ASCL2: variants seen among roughly 807,000 people sequenced by gnomAD.
The protein encoded by ASCL2 is achaete-scute family bHLH transcription factor 2.
Under a neutral mutation model 5.1 loss-of-function variants are expected in ASCL2, and 6 were observed. The observed-to-expected ratio is 1.17, with a 90% CI of 0.64 to 2.31. The LOEUF is 2.31. Among genes scored for constraint, ASCL2 ranks in the 30% most tolerant of loss-of-function variants. ASCL2 has a pLI of 0.00. For synonymous variants in ASCL2, 174 were observed against 157.3 expected (o/e 1.11, Z -0.80); for missense variants, 320 against 310.3 (o/e 1.03, Z -0.23).
intron 1 of ASCL2, 45 bp downstream of exon 1, chr11:2,269,688 A>ACC: frequency 2.5e-6 from 1 of 398,432 alleles, no homozygotes; most frequent in Non-Finnish European, 3.7e-6. Flanking sequence ...CCGTCCCTCC[A>ACC]CCCCGGCCCC....
rs1847235148 is a variant in ASCL2, at chr11:2,270,297, AG to A, written c.35del (p.Pro12LeufsTer41). The A allele has an allele frequency of 4.5e-6, 6 of 1,337,246 alleles. No homozygotes were observed. The highest frequency in any genetic ancestry group is 4.8e-6 in the Non-Finnish European group (5 of 1,051,672). 82.8% of individuals were successfully genotyped at this position (1,337,246 alleles called of 1,614,324 possible). ...DGGTLPRSAP[P>X]APPVPVGCAA... ...CGCAGCCGACAGGGACGGGGGGCGC[AG>A]GGGGCGCGGACCTGGGCAGTGTGCC... On this transcript the variant is annotated frameshift_variant, in exon 1 of 2. Transcript: ENST00000331289. LOFTEE classifies it high-confidence loss of function.
chr11:2,270,114 C>A lies in ASCL2; in HGVS notation c.219G>T (p.Leu73=). The change falls in exon 1 of 2, where the codon CTG becomes CTT. Residue 73 remains leucine (L), a synonymous_variant. Coordinates refer to ENST00000331289, the MANE Select transcript of ASCL2 (RefSeq NM_005170.3). ...VKLVNLGFQA[L]RQHVPHGGAS... The stretch of plus-strand genomic sequence containing the variant: ...CGCCGCCGTGCGGCACGTGCTGCCG[C>A]AGCGCCTGGAAGCCCAAGTTCACCA... 6.6e-7 allele frequency: 1 copy of A among 1,519,544 alleles called. No individual in the cohort carries two copies. The highest frequency in any genetic ancestry group is 1.2e-5 in the South Asian group (1 of 81,750). The allele number at this position is 1,519,544 out of a possible 1,614,324, so 94.1% of individuals were successfully genotyped here. A position where few individuals can be genotyped will look rare whatever the true frequency, so the allele number is the denominator to read the frequency against.
Position 2,269,876 on chromosome 11 carries a change from CG to C in ASCL2, c.456del (p.Gly154AlafsTer23). 7.5e-7 allele frequency: 1 copy of C among 1,342,176 alleles called. No homozygotes were observed. The highest frequency in any genetic ancestry group is 9.6e-7 in the Non-Finnish European group (1 of 1,040,468). 83.1% of individuals were successfully genotyped at this position (1,342,176 alleles called of 1,614,324 possible). A position where few individuals can be genotyped will look rare whatever the true frequency, so the allele number is the denominator to read the frequency against. On this transcript the variant is annotated frameshift_variant, in exon 1 of 2. Coordinates refer to ENST00000331289, the MANE Select transcript of ASCL2 (RefSeq NM_005170.3). LOFTEE classifies it low-confidence loss of function (END_TRUNC). The part of the protein sequence containing the change: ...SPSRASSSPG[R>X]GGSSEPGSPR... Reference sequence around the variant, plus strand: ...GGGGAGCCGGGCTCCGAGCTGCCCCCGCGGCCCGGGGACGAAGAAGCGCGGG... The same window carrying C: ...GGGGAGCCGGGCTCCGAGCTGCCCCCCGGCCCGGGGACGAAGAAGCGCGGG...
rs1847213151 is a variant in ASCL2, at chr11:2,268,789, C to G, written c.*356G>C. On this transcript the variant is annotated 3_prime_UTR_variant, in exon 2 of 2. Coordinates refer to ENST00000331289, the MANE Select transcript of ASCL2 (RefSeq NM_005170.3). This position sits in a 1 kb window ranked among gnomAD's most constrained non-coding sequence, Gnocchi z 4.5. ...TTTGCCAGCAGTGTCCCTCCAGCAG[C>G]TCAAGTTAATGTGTAGAAAATGGAT... The G allele has an allele frequency of 6.6e-6, 1 of 152,308 alleles. No homozygotes were observed. Among genetic ancestry groups the G allele is most frequent in the Non-Finnish European group, 1.5e-5 (1 of 68,100 alleles). The allele number at this position is 152,308 out of a possible 1,614,324, so 9.4% of individuals were successfully genotyped here. A position where few individuals can be genotyped will look rare whatever the true frequency, so the allele number is the denominator to read the frequency against.
At chr11:2,269,672 CCCACCCCGTCCCT>C (rs1241790082) in intron 1 of ASCL2, 48 bp downstream of exon 1, 40 of 894,860 alleles carry the variant, frequency 4.5e-5, no homozygotes, top group Non-Finnish European at 6.0e-5. Flanking sequence ...GCCGGGCCTG[CCCACCCCGTCCCT>C]CCACCCCGGC....
At position 2,270,094 on chromosome 11, in the gene ASCL2, C is replaced by T. The variant is rs1227468191; in HGVS notation, c.239G>A (p.Gly80Asp). 1.1e-5 allele frequency: 17 copies of T among 1,503,230 alleles called. No individual in the cohort carries two copies. The highest frequency in any genetic ancestry group is 1.5e-5 in the Non-Finnish European group (17 of 1,130,852). 93.1% of individuals were successfully genotyped at this position (1,503,230 alleles called of 1,614,324 possible). Reference sequence around the variant, plus strand: ...CTTGCTCAGCTTCTTGCTGGCGCCGCCGTGCGGCACGTGCTGCCGCAGCGC... The same window carrying T: ...CTTGCTCAGCTTCTTGCTGGCGCCGTCGTGCGGCACGTGCTGCCGCAGCGC... ...FQALRQHVPH[G>D]GASKKLSKVE... Residue 80 changes from glycine (G) to aspartate (D), a missense_variant, in exon 1 of 2, where the codon GGC (glycine) becomes GAC (aspartate). By Grantham distance (94) the Gly-to-Asp change is moderately conservative (BLOSUM62 -1). Coordinates refer to ENST00000331289, the MANE Select transcript of ASCL2 (RefSeq NM_005170.3).
rs1222533963 is a variant in ASCL2, at chr11:2,270,305, C to T, written c.28G>A (p.Ala10Thr). 6 of 1,318,632 alleles carry T rather than the reference C, an allele frequency of 4.6e-6. No homozygotes were observed. The highest frequency in any genetic ancestry group is 5.8e-6 in the Non-Finnish European group (6 of 1,039,602). The allele number at this position is 1,318,632 out of a possible 1,614,324, so 81.7% of individuals were successfully genotyped here. ...ACAGGGACGGGGGGCGCAGGGGGCG[C>T]GGACCTGGGCAGTGTGCCGCCGTCC... The part of the protein sequence containing the change: MDGGTLPRS[A>T]PPAPPVPVGC... The change falls in exon 1 of 2, where the codon GCG becomes ACG. Residue 10 changes from alanine to threonine, a missense_variant. By Grantham distance (58) the Ala-to-Thr change is moderately conservative (BLOSUM62 0). Transcript: ENST00000331289.
At position 2,269,848 on chromosome 11, in the gene ASCL2, C is replaced by A; in HGVS notation, c.485G>T (p.Arg162Leu). 1 of 1,378,992 alleles carries A rather than the reference C, an allele frequency of 7.3e-7. No homozygotes were observed. The highest frequency in any genetic ancestry group is 9.4e-7 in the Non-Finnish European group (1 of 1,061,328). The allele number at this position is 1,378,992 out of a possible 1,614,324, so 85.4% of individuals were successfully genotyped here. A position where few individuals can be genotyped will look rare whatever the true frequency, so the allele number is the denominator to read the frequency against. ...GCTGTCGTCCGACGAGTAGGCGGAA[C>A]GCGGGGAGCCGGGCTCCGAGCTGCC... ...RGGSSEPGSPRSAYSSDDSGC... is the reference protein window; with the variant it reads ...RGGSSEPGSPLSAYSSDDSGC... Residue 162 changes from arginine (R) to leucine (L), a missense_variant, in exon 1 of 2, where the codon CGT becomes CTT. By Grantham distance (102) the Arg-to-Leu change is moderately radical. Transcript: ENST00000331289.
Position 2,270,254 on chromosome 11 carries a change from C to G in ASCL2, c.79G>C (p.Ala27Pro). ...PVGCAARRRP[A>P]SPELLRCSRR... Reference sequence around the variant, plus strand: ...CTGCAGCGCAACAGTTCCGGGGACGCGGGTCTCCGCCGGGCAGCGCAGCCG... The same window carrying G: ...CTGCAGCGCAACAGTTCCGGGGACGGGGGTCTCCGCCGGGCAGCGCAGCCG... Residue 27 changes from alanine (A) to proline (P), a missense_variant, in exon 1 of 2, where the codon GCG becomes CCG. Ala to Pro is a conservative substitution (Grantham distance 27). Transcript: ENST00000331289. The G allele has an allele frequency of 7.1e-7, 1 of 1,406,788 alleles. No homozygotes were observed. The highest frequency in any genetic ancestry group is 9.2e-7 in the Non-Finnish European group (1 of 1,086,570). The allele number at this position is 1,406,788 out of a possible 1,614,324, so 87.1% of individuals were successfully genotyped here.
chr11:2,269,889 C>G lies in ASCL2; in HGVS notation c.444G>C (p.Ser148=). ...PVAASPSRAS[S]SPGRGGSSEP... is the part of the protein sequence containing the mutation. Reference sequence around the variant, plus strand: ...CCGAGCTGCCCCCGCGGCCCGGGGACGAAGAAGCGCGGGAGGGCGAGGCGG... The same window carrying G: ...CCGAGCTGCCCCCGCGGCCCGGGGAGGAAGAAGCGCGGGAGGGCGAGGCGG... Residue 148 remains serine (S), a synonymous_variant, in exon 1 of 2, where the codon TCG becomes TCC. Coordinates refer to ENST00000331289, the MANE Select transcript of ASCL2 (RefSeq NM_005170.3). 1 of 1,318,412 alleles carries G rather than the reference C, an allele frequency of 7.6e-7. No individual in the cohort carries two copies. The highest frequency in any genetic ancestry group is 3.1e-5 in the East Asian group (1 of 31,984). The allele number at this position is 1,318,412 out of a possible 1,614,324, so 81.7% of individuals were successfully genotyped here. A position where few individuals can be genotyped will look rare whatever the true frequency, so the allele number is the denominator to read the frequency against.
At position 2,270,416 on chromosome 11, in the gene ASCL2, C is replaced by T. The variant is rs576732965; in HGVS notation, c.-84G>A. ...GAGGAACCGGAGGCGACGGGGAAAA[C>T]TGTGGCGCCCCAAGGGGGCTTCTGG... is the stretch of plus-strand genomic sequence containing the variant. On this transcript the variant is annotated 5_prime_UTR_variant, in exon 1 of 2. Transcript: ENST00000331289. 4.0e-6 allele frequency: 5 copies of T among 1,256,538 alleles called. No individual in the cohort carries two copies. Among genetic ancestry groups the T allele is most frequent in the South Asian group, 7.0e-5 (2 of 28,598 alleles). The allele number at this position is 1,256,538 out of a possible 1,614,324, so 77.8% of individuals were successfully genotyped here. A position where few individuals can be genotyped will look rare whatever the true frequency, so the allele number is the denominator to read the frequency against.
chr11:2,269,579 T>A (rs1172501161), intron 1 of ASCL2, among the ~76,000 whole-genome samples, 154 bp downstream of exon 1: 1 of 151,854 alleles, frequency 6.6e-6, no homozygotes, highest in Non-Finnish European at 1.5e-5. Flanking sequence ...TTGAAAAACT[T>A]TGGGGGAAAT....
rs1164478434 is a variant in ASCL2, at chr11:2,270,495, C to A, written c.-163G>T. ...CACGCGTCCTAGGTCGTCTGGAGCC[C>A]GGGGATAGGAGGCCTAGTGGTGGCA... On this transcript the variant is annotated 5_prime_UTR_variant, in exon 1 of 2. Coordinates refer to ENST00000331289, the MANE Select transcript of ASCL2 (RefSeq NM_005170.3). The A allele has an allele frequency of 5.8e-6, 7 of 1,211,686 alleles. No homozygotes were observed. Among genetic ancestry groups the A allele is most frequent in the Non-Finnish European group, 7.3e-6 (7 of 958,432 alleles). The allele number at this position is 1,211,686 out of a possible 1,614,324, so 75.1% of individuals were successfully genotyped here. A position where few individuals can be genotyped will look rare whatever the true frequency, so the allele number is the denominator to read the frequency against.
chr11:2,270,160 C>T lies in ASCL2; in HGVS notation c.173G>A (p.Arg58His). The T allele has an allele frequency of 1.3e-6, 2 of 1,520,678 alleles. No individual in the cohort carries two copies. Among genetic ancestry groups the T allele is most frequent in the Non-Finnish European group, 1.8e-6 (2 of 1,141,990 alleles). 94.2% of individuals were successfully genotyped at this position (1,520,678 alleles called of 1,614,324 possible). Residue 58 changes from arginine (R) to histidine (H), a missense_variant, in exon 1 of 2, where the codon CGC (arginine) becomes CAC (histidine). Coordinates refer to ENST00000331289, the MANE Select transcript of ASCL2 (RefSeq NM_005170.3). ...GAAAVARRNE[R>H]ERNRVKLVNL... ...CACCAGCTTCACGCGGTTGCGCTCG[C>T]GCTCATTGCGCCGCGCTACGGCCGC... is the stretch of plus-strand genomic sequence containing the variant.
At position 2,270,485 on chromosome 11, in the gene ASCL2, G is replaced by T. The variant is rs7126721; in HGVS notation, c.-153C>A. ...CTCCCCAGGGCACGCGTCCTAGGTC[G>T]TCTGGAGCCCGGGGATAGGAGGCCT... is the stretch of plus-strand genomic sequence containing the variant. On this transcript the variant is annotated 5_prime_UTR_variant, in exon 1 of 2. Transcript: ENST00000331289. The T allele has an allele frequency of 0.15, 183,800 of 1,229,634 alleles. 26,114 individuals are homozygous for T. The highest frequency in any genetic ancestry group is 0.65 in the African/African-American group (41,340 of 63,686). 76.2% of individuals were successfully genotyped at this position (1,229,634 alleles called of 1,614,324 possible). A position where few individuals can be genotyped will look rare whatever the true frequency, so the allele number is the denominator to read the frequency against.
At position 2,270,105 on chromosome 11, in the gene ASCL2, G is replaced by C. The variant is rs374798855; in HGVS notation, c.228C>G (p.His76Gln). The C allele has an allele frequency of 6.9e-5, 104 of 1,512,242 alleles. No homozygotes were observed. Among genetic ancestry groups the C allele is most frequent in the Non-Finnish European group, 8.5e-5 (96 of 1,135,886 alleles). The allele number at this position is 1,512,242 out of a possible 1,614,324, so 93.7% of individuals were successfully genotyped here. A position where few individuals can be genotyped will look rare whatever the true frequency, so the allele number is the denominator to read the frequency against. Residue 76 changes from histidine (H) to glutamine (Q), a missense_variant, in exon 1 of 2, where the codon CAC (histidine) becomes CAG (glutamine). Physicochemically the swap from His to Gln is conservative, Grantham distance 24. Coordinates refer to ENST00000331289, the MANE Select transcript of ASCL2 (RefSeq NM_005170.3). ...VNLGFQALRQ[H>Q]VPHGGASKKL... is the part of the protein sequence containing the mutation. ...TCTTGCTGGCGCCGCCGTGCGGCAC[G>C]TGCTGCCGCAGCGCCTGGAAGCCCA...
chr11:2,270,012 G>T lies in ASCL2; in HGVS notation c.321C>A (p.Ala107=). 3.6e-6 allele frequency: 5 copies of T among 1,376,964 alleles called. No homozygotes were observed. The highest frequency in any genetic ancestry group is 4.7e-6 in the Non-Finnish European group (5 of 1,063,132). The allele number at this position is 1,376,964 out of a possible 1,614,324, so 85.3% of individuals were successfully genotyped here. The change falls in exon 1 of 2, where the codon GCC becomes GCA. Residue 107 remains alanine (A), a synonymous_variant. Transcript: ENST00000331289. Reference sequence around the variant, plus strand: ...GCGCGTTGCGCACGGCGTCGTGCTCGGCCAGCAGGCGCTGCAGCGCGCGGA... The same window carrying T: ...GCGCGTTGCGCACGGCGTCGTGCTCTGCCAGCAGGCGCTGCAGCGCGCGGA... The part of the protein sequence containing the change: ...EYIRALQRLL[A]EHDAVRNALA...
chr11:2,270,532 C>A lies in ASCL2; in HGVS notation c.-200G>T, dbSNP rs893882247. The A allele has an allele frequency of 4.8e-5, 50 of 1,039,742 alleles. 1 individual carries two copies. In the East Asian group the frequency reaches 1.5e-3, roughly 32 times the overall value. 64.4% of individuals were successfully genotyped at this position (1,039,742 alleles called of 1,614,324 possible). On this transcript the variant is annotated 5_prime_UTR_variant, in exon 1 of 2. Coordinates refer to ENST00000331289, the MANE Select transcript of ASCL2 (RefSeq NM_005170.3). ...GCCTAGTGGTGGCAGGCCGTACGCG[C>A]CAGGGAGCGTGGGACGCTCGTGTCC...
In ASCL2 at chr11:2,269,832, C is replaced by T; in HGVS notation, c.501G>A (p.Ser167=). The change falls in exon 1 of 2, where the codon TCG becomes TCA. Residue 167 remains serine (S), a synonymous_variant. Coordinates refer to ENST00000331289, the MANE Select transcript of ASCL2 (RefSeq NM_005170.3). ...GCGCGCCTTCGCAGCCGCTGTCGTCCGACGAGTAGGCGGAACGCGGGGAGC... is the reference window on the plus strand; with the variant it reads ...GCGCGCCTTCGCAGCCGCTGTCGTCTGACGAGTAGGCGGAACGCGGGGAGC... ...EPGSPRSAYS[S]DDSGCEGALS... 3.6e-6 allele frequency: 5 copies of T among 1,405,468 alleles called. No homozygotes were observed. The highest frequency in any genetic ancestry group is 4.6e-6 in the Non-Finnish European group (5 of 1,075,838). 87.1% of individuals were successfully genotyped at this position (1,405,468 alleles called of 1,614,324 possible).
Sources: gnomAD v4.1 joint callset for allele counts (sites outside exome capture counted in the v4.1 genomes callset) on GRCh38, gnomAD v4.1.1 for gene constraint, Gnocchi (gnomAD v3.1) non-coding constraint, MANE v1.5 for transcripts, NCBI Gene and HGNC (gene_info 2026-07-23, HGNC 2026-07-21) for gene names.